CHRM2: variants seen among roughly 807,000 people sequenced by gnomAD.
The protein encoded by CHRM2 is muscarinic acetylcholine receptor M2.
CHRM2 carries 8 observed loss-of-function variants against 25.0 expected under a neutral mutation model. The observed-to-expected ratio is 0.32, with a 90% CI of 0.19 to 0.58. The LOEUF is 0.58. CHRM2 is among the 20% of genes least tolerant of loss of function. The pLI, the probability that CHRM2 is intolerant of heterozygous loss-of-function variation, is 0.88. For missense variants in CHRM2, 440 were observed against 567.1 expected (o/e 0.78, Z 2.28); for synonymous variants, 202 against 205.7 (o/e 0.98, Z 0.15).
Position 136,968,549 on chromosome 7 carries a change from T to C in CHRM2, c.-124-23638T>C, listed in dbSNP as rs557135404. ...GGGTGTATATCCAAAGGAACTAATATCAGTATGTTGAAGAGATATCTGCAC... is the reference window on the plus strand; with the variant it reads ...GGGTGTATATCCAAAGGAACTAATACCAGTATGTTGAAGAGATATCTGCAC... On this transcript the variant is annotated intron_variant, in intron 2 of 3. Coordinates refer to ENST00000680005, the MANE Select transcript of CHRM2 (RefSeq NM_001006630.2). Among the ~76,000 whole-genome samples the C allele has an allele frequency of 6.5e-4, 99 of 151,858 alleles. 2 individuals carry two copies. In the South Asian group the frequency reaches 0.02, roughly 31 times the overall value.
chr7:136,929,616 C>T (rs1798945299), intron 2 of CHRM2, among the ~76,000 whole-genome samples: 2 of 151,978 alleles, frequency 1.3e-5, no homozygotes, highest in South Asian at 2.1e-4. Flanking sequence ...TCAGATGTCA[C>T]CATAAAGTAG....
In CHRM2 at chr7:137,018,379, C is replaced by T. The variant is rs1380695397; in HGVS notation, c.*2113C>T. The T allele has an allele frequency of 1.3e-5, 2 of 151,918 alleles. No individual in the cohort carries two copies. The highest frequency in any genetic ancestry group is 2.9e-5 in the Non-Finnish European group (2 of 67,912). The allele number at this position is 151,918 out of a possible 1,614,324, so 9.4% of individuals were successfully genotyped here. The stretch of plus-strand genomic sequence containing the variant: ...ATAGAGATTCCCTTACCTACAGTTA[C>T]TTCAACATGCACTTTTACATTTTAA... On this transcript the variant is annotated 3_prime_UTR_variant, in exon 4 of 4. Transcript: ENST00000680005.
chr7:136,884,952 T>C (rs1419390981), intron 2 of CHRM2, among the ~76,000 whole-genome samples: 1 of 152,200 alleles, frequency 6.6e-6, no homozygotes, highest in Non-Finnish European at 1.5e-5. Flanking sequence ...TTTCTGTTTG[T>C]TTGGTTGTTG....
At position 137,007,016 on chromosome 7, in the gene CHRM2, C is replaced by T. The variant is rs140046555; in HGVS notation, c.-46-7804C>T. ...GTACTTTCTTTAGAAGAAGATATAA[C>T]GCAGAATCTTGAGAATAGTAAAAAA... On this transcript the variant is annotated intron_variant, in intron 3 of 3. Coordinates refer to ENST00000680005, the MANE Select transcript of CHRM2 (RefSeq NM_001006630.2). Among the ~76,000 whole-genome samples the T allele has an allele frequency of 1.4e-3, 209 of 152,058 alleles. 4 individuals carry two copies. The East Asian group carries it at 0.031, about 22-fold the overall frequency.
chr7:136,965,913 C>A (rs1801387108), intron 2 of CHRM2, among the ~76,000 whole-genome samples: 1 of 151,832 alleles, frequency 6.6e-6, no homozygotes, highest in Non-Finnish European at 1.5e-5. Flanking sequence ...AAAAGAAAGC[C>A]AAGAGTGTGG....
chr7:137,018,794 G>A lies in CHRM2; in HGVS notation c.*2528G>A, dbSNP rs1264688406. 6.6e-6 allele frequency: 1 copy of A among 151,862 alleles called. No homozygotes were observed. The highest frequency in any genetic ancestry group is 2.4e-5 in the African/African-American group (1 of 41,406). The allele number at this position is 151,862 out of a possible 1,614,324, so 9.4% of individuals were successfully genotyped here. On this transcript the variant is annotated 3_prime_UTR_variant, in exon 4 of 4. Coordinates refer to ENST00000680005, the MANE Select transcript of CHRM2 (RefSeq NM_001006630.2). ...GATAGGCTGACACCATGGAAACTAC[G>A]TCAAACAGATAAGAAAAATGGAAGG...
At chr7:136,902,061 A>G (rs1797242903) in intron 2 of CHRM2, 1 of 152,064 alleles carries the variant, frequency 6.6e-6, no homozygotes, top group Admixed American at 6.6e-5. Context: ...GGTTGTTTAT[A>G]ACAGTCCAGC....
intron 2 of CHRM2, among the ~76,000 whole-genome samples, chr7:136,916,870 G>A (rs1001592173): frequency 6.6e-6 from 1 of 151,438 alleles, no homozygotes; most frequent in African/African-American, 2.4e-5. Context: ...CTATGTGTGT[G>A]TGAATGAATA....
chr7:136,930,531 C>T (rs1799011633), intron 2 of CHRM2, among the ~76,000 whole-genome samples: 1 of 151,892 alleles, frequency 6.6e-6, no homozygotes, highest in Non-Finnish European at 1.5e-5. Flanking sequence ...AAACCTTTCT[C>T]TAGGAGATTT....
chr7:136,869,639 A>C lies in CHRM2; in HGVS notation c.-125+221A>C, dbSNP rs1473866488. Among the ~76,000 whole-genome samples the C allele has an allele frequency of 6.6e-6, 1 of 152,170 alleles. No individual in the cohort carries two copies. Among genetic ancestry groups the C allele is most frequent in the East Asian group, 1.9e-4 (1 of 5,176 alleles). ...ATGGCGGGTCTGAAAGGAAGGGGCA[A>C]ACGAGGCACAGCGCGAGGCGAGGTA... On this transcript the variant is annotated intron_variant, in intron 2 of 3. Transcript: ENST00000680005. This position sits in a 1 kb window ranked among gnomAD's most constrained non-coding sequence, Gnocchi z 4.9.
intron 2 of CHRM2, among the ~76,000 whole-genome samples, chr7:136,885,761 T>C (rs1053400216): frequency 6.6e-6 from 1 of 152,192 alleles, no homozygotes; most frequent in Non-Finnish European, 1.5e-5. Context: ...TTAAAACTCC[T>C]TGAATCACAG....
chr7:136,902,905 T>C (rs1393139436), intron 2 of CHRM2: 4 of 345,344 alleles, frequency 1.2e-5, no homozygotes, highest in Non-Finnish European at 2.2e-5. Flanking sequence ...TATGATAAGG[T>C]ACACATTATT....
intron 2 of CHRM2, among the ~76,000 whole-genome samples, chr7:136,939,651 A>G (rs1331284898): frequency 2.0e-5 from 3 of 152,236 alleles, no homozygotes; most frequent in Non-Finnish European, 4.4e-5. Flanking sequence ...AATAATTAAA[A>G]TAAGTATAGT....
intron 2 of CHRM2, among the ~76,000 whole-genome samples, chr7:136,969,000 A>G (rs117290180): frequency 2.7e-3 from 413 of 152,166 alleles, no homozygotes; most frequent in Non-Finnish European, 4.8e-3. Flanking sequence ...GCCTGTGTGA[A>G]TACTGTATTC....
intron 2 of CHRM2, among the ~76,000 whole-genome samples, chr7:136,915,236 G>A (rs1342494042): frequency 6.6e-6 from 1 of 151,844 alleles, no homozygotes; most frequent in Non-Finnish European, 1.5e-5. Context: ...AAATGATTTA[G>A]TAAAGTTAAA....
At chr7:137,006,603 C>T (rs1804443915) in intron 3 of CHRM2, among the ~76,000 whole-genome samples, 1 of 152,022 alleles carries the variant, frequency 6.6e-6, no homozygotes, top group Admixed American at 6.6e-5. Context: ...ATGTGAGGAT[C>T]AGTTTGCTTT....
At chr7:136,933,395 A>G (rs1799224611) in intron 2 of CHRM2, among the ~76,000 whole-genome samples, 1 of 152,250 alleles carries the variant, frequency 6.6e-6, no homozygotes, top group Non-Finnish European at 1.5e-5. Context: ...ATATTATTTC[A>G]TACACACCAG....
intron 2 of CHRM2, among the ~76,000 whole-genome samples, chr7:136,936,062 G>C (rs954256870): frequency 6.6e-6 from 1 of 152,038 alleles, no homozygotes; most frequent in Admixed American, 6.5e-5. Context: ...TGGAACTCTT[G>C]TTAAAATTTA....
At chr7:137,011,545 A>G (rs1264665825) in intron 3 of CHRM2, among the ~76,000 whole-genome samples, 1 of 151,982 alleles carries the variant, frequency 6.6e-6, no homozygotes, top group African/African-American at 2.4e-5. Context: ...GCTCTGGCCA[A>G]TTGGATGATG....
Sources: allele counts gnomAD v4.1 joint callset (sites outside exome capture counted in the v4.1 genomes callset), GRCh38; gene constraint gnomAD v4.1.1; non-coding constraint Gnocchi (gnomAD v3.1); transcripts MANE v1.5; gene names NCBI Gene and HGNC (gene_info 2026-07-23, HGNC 2026-07-21).